The following PEX5 variants were observed in gnomAD, a reference collection of about 807,000 sequenced individuals.
The protein encoded by PEX5 is PTS1 receptor.
PEX5 carries 52 observed loss-of-function variants against 82.9 expected under a neutral mutation model. That is an observed-to-expected ratio of 0.63 (90% CI 0.50 to 0.79). The LOEUF is 0.79. PEX5 is among the 30% of genes least tolerant of loss of function. The probability of loss-of-function intolerance (pLI) is 0.00; values close to 1 mark genes in which losing one functional copy is unlikely to be tolerated. For synonymous variants in PEX5, 300 were observed against 318.8 expected (o/e 0.94, Z 0.63); for missense variants, 719 against 815.2 (o/e 0.88, Z 1.44).
At chr12:7,203,080 A>G (rs997375825) in intron 9 of PEX5, among the ~76,000 whole-genome samples, 2 of 151,832 alleles carry the variant, frequency 1.3e-5, no homozygotes, top group African/African-American at 4.8e-5. Context: ...AATGTTTGAA[A>G]CTGGGAGGTG....
chr12:7,209,984 T>C (rs1945344185), intron 15 of PEX5, 38 bp from the exon 16 acceptor site: 15 of 1,610,128 alleles, frequency 9.3e-6, no homozygotes, highest in Middle Eastern at 3.3e-4. Flanking sequence ...TCCATTGTTG[T>C]TCAGCTTAAC....
intron 13 of PEX5, 109 bp downstream of exon 13, chr12:7,208,778 A>G: frequency 2.0e-6 from 2 of 1,010,142 alleles, no homozygotes; most frequent in Non-Finnish European, 3.1e-6. Context: ...GGGTCCTGAG[A>G]ATGGGATGGG....
chr12:7,205,360 C>G (rs1307839213), intron 10 of PEX5, among the ~76,000 whole-genome samples: 2 of 152,138 alleles, frequency 1.3e-5, no homozygotes, highest in Non-Finnish European at 2.9e-5. Flanking sequence ...TTTTTAAAAA[C>G]AAAGGACTTG....
rs1565686484 is a variant in PEX5 at position 7,197,150 on chromosome 12, A to ATATATGTCATATATAATGTAAT, written c.449-1855_449-1834dup. Among the ~76,000 whole-genome samples, 13 of 94,822 alleles carry ATATATGTCATATATAATGTAAT rather than the reference A, an allele frequency of 1.4e-4. 3 individuals carry two copies. Among genetic ancestry groups the ATATATGTCATATATAATGTAAT allele is most frequent in the African/African-American group, 4.8e-4 (12 of 25,080 alleles). 62.2% of individuals were successfully genotyped at this position (94,822 alleles called of 152,430 possible). Reference sequence around the variant, plus strand: ...ATATGTCATATATAATGTAATAATTATATATGTCATATATAATGTAATTAT... The same window carrying ATATATGTCATATATAATGTAAT: ...ATATGTCATATATAATGTAATAATTATATATGTCATATATAATGTAATTATATGTCATATATAATGTAATTAT... On this transcript the variant is annotated intron_variant, in intron 5 of 15. Transcript: ENST00000675855.
intron 10 of PEX5, among the ~76,000 whole-genome samples, chr12:7,205,180 T>C (rs1030847095): frequency 6.6e-6 from 1 of 151,972 alleles, no homozygotes. Flanking sequence ...ATTAAAAACT[T>C]TAAAAGTATG....
chr12:7,191,799 C>A (rs1010190759), intron 5 of PEX5, 99 bp downstream of exon 5: 1 of 1,130,090 alleles, frequency 8.8e-7, no homozygotes. Flanking sequence ...TTTTTCTGGT[C>A]TCATGACTCA....
At chr12:7,201,073 T>C (rs1943839254) in intron 6 of PEX5, among the ~76,000 whole-genome samples, 1 of 152,146 alleles carries the variant, frequency 6.6e-6, no homozygotes, top group Non-Finnish European at 1.5e-5. Flanking sequence ...AGGTCAAGTC[T>C]AGCCCGAGGA....
At chr12:7,214,727 TAAA>T (rs898598574), downstream of PEX5, among the ~76,000 whole-genome samples, 15 of 135,464 alleles carry the variant, frequency 1.1e-4, no homozygotes, top group African/African-American at 3.9e-4. Context: ...AATAATAAAA[TAAA>T]AAAAGAATTA....
intron 10 of PEX5, among the ~76,000 whole-genome samples, chr12:7,203,809 G>A (rs1247381214): frequency 1.3e-5 from 2 of 152,198 alleles, no homozygotes; most frequent in Non-Finnish European, 2.9e-5. Context: ...GTTTGCACAT[G>A]CTTGCTGCAT....
chr12:7,194,553 A>T (rs1408950301), intron 5 of PEX5, among the ~76,000 whole-genome samples: 1 of 152,090 alleles, frequency 6.6e-6, no homozygotes, highest in African/African-American at 2.4e-5. Flanking sequence ...ATACAGAACT[A>T]TTCTCTCACC....
intron 6 of PEX5, among the ~76,000 whole-genome samples, chr12:7,201,444 A>G (rs1313906642): frequency 6.6e-6 from 1 of 152,186 alleles, no homozygotes; most frequent in Admixed American, 6.5e-5. Flanking sequence ...TAACTATCCT[A>G]TATGACGTTC....
At chr12:7,212,778 AAATT>A (rs1002721703), downstream of PEX5, 9 of 152,170 alleles carry the variant, frequency 5.9e-5, no homozygotes, top group Admixed American at 4.6e-4. Context: ...CTAGAGGAGA[AAATT>A]AAACACCTGG....
At chr12:7,215,740 G>C (rs898612042), downstream of PEX5, among the ~76,000 whole-genome samples, 1 of 152,106 alleles carries the variant, frequency 6.6e-6, no homozygotes, top group Non-Finnish European at 1.5e-5. Flanking sequence ...CAGACTACCA[G>C]AGAGGTGGAG....
intron 6 of PEX5, among the ~76,000 whole-genome samples, chr12:7,200,706 A>C (rs2136113202): frequency 6.6e-6 from 1 of 152,274 alleles, no homozygotes; most frequent in African/African-American, 2.4e-5. Flanking sequence ...CGGCCAACAC[A>C]GCGAAACCCC....
At chr12:7,198,080 A>G (rs1169181671) in intron 5 of PEX5, among the ~76,000 whole-genome samples, 1 of 152,112 alleles carries the variant, frequency 6.6e-6, no homozygotes, top group Admixed American at 6.5e-5. Context: ...GTAAAGGGCA[A>G]AGTCCTGGAG....
chr12:7,212,182 C>T (rs1215561173), downstream of PEX5, among the ~76,000 whole-genome samples: 2 of 151,876 alleles, frequency 1.3e-5, no homozygotes, highest in African/African-American at 4.8e-5. Context: ...TCAGGCTGGT[C>T]TCGAACGCCC....
chr12:7,202,375 C>A (rs1309370090), intron 8 of PEX5, 24 bp downstream of exon 8: 1 of 1,613,612 alleles, frequency 6.2e-7, no homozygotes, highest in Non-Finnish European at 8.5e-7. Flanking sequence ...ACTTTCCAGT[C>A]CCACTTCAGA....
At chr12:7,202,825 C>T in intron 9 of PEX5, 121 bp downstream of exon 9, 3 of 808,798 alleles carry the variant, frequency 3.7e-6, no homozygotes, top group Non-Finnish European at 6.4e-6. Flanking sequence ...TCATCTGTGT[C>T]AGAGTTGCTT....
Position 7,208,670 on chromosome 12 carries a change from G to T in PEX5, c.1394+1G>T. On this transcript the variant is annotated splice_donor_variant, in intron 13 of 15. Coordinates refer to ENST00000675855, the MANE Select transcript of PEX5 (RefSeq NM_001351132.2). LOFTEE classifies it high-confidence loss of function. ...GTATCCTGGGATCTCTCTTGTCTGA[G>T]TGAGTATGAGGGGTTCCTAGGATGA... 1 of 1,609,164 alleles carries T rather than the reference G, an allele frequency of 6.2e-7. No homozygotes were observed. Among genetic ancestry groups the T allele is most frequent in the Admixed American group, 1.7e-5 (1 of 60,022 alleles).
Sources: allele counts gnomAD v4.1 joint callset (sites outside exome capture counted in the v4.1 genomes callset), GRCh38; gene constraint gnomAD v4.1.1; transcripts MANE v1.5; gene names NCBI Gene and HGNC (gene_info 2026-07-23, HGNC 2026-07-21).